The following IL2RA variants were observed in gnomAD, a reference collection of about 807,000 sequenced individuals.
The protein encoded by IL2RA is interleukin 2 receptor subunit alpha, also known as interleukin-2 receptor subunit alpha.
Under a neutral mutation model 37.8 loss-of-function variants are expected in IL2RA, and 24 were observed. The observed-to-expected ratio is 0.63, with a 90% CI of 0.46 to 0.89. The LOEUF (loss-of-function observed/expected upper bound fraction) is 0.89. Ranked by LOEUF, IL2RA falls within the 40% of genes least tolerant of loss-of-function variation. The pLI, the probability that IL2RA is intolerant of heterozygous loss-of-function variation, is 0.00. For synonymous variants in IL2RA, 125 were observed against 114.6 expected, an observed-to-expected ratio of 1.09 and a Z score of -0.58; for missense variants, 319 against 348.6, an observed-to-expected ratio of 0.92 and a Z score of 0.68.
chr10:6,024,300 C>T lies in IL2RA; in HGVS notation c.311G>A (p.Arg104Lys), dbSNP rs1406426330. 1 of 1,614,174 alleles carries T rather than the reference C, an allele frequency of 6.2e-7. No homozygotes were observed. Among genetic ancestry groups the T allele is most frequent in the Non-Finnish European group, 8.5e-7 (1 of 1,180,034 alleles). ...VTPQPEEQKERKTTEMQSPMQ... is the reference protein window; with the variant it reads ...VTPQPEEQKEKKTTEMQSPMQ... ...TGGACTTTGCATTTCTGTGGTTTTC[C>T]TTTCTTTCTGTTCTTCAGGTTGAGG... is the stretch of plus-strand genomic sequence containing the variant. The change falls in exon 3 of 8, where the codon AGG (arginine) becomes AAG (lysine). Residue 104 changes from arginine (R) to lysine (K), a missense_variant. By Grantham distance (26) the Arg-to-Lys change is conservative. Coordinates refer to ENST00000379959, the MANE Select transcript of IL2RA (RefSeq NM_000417.3).
chr10:6,043,757 A>G (rs1253000105), intron 1 of IL2RA, among the ~76,000 whole-genome samples: 1 of 152,260 alleles, frequency 6.6e-6, no homozygotes, highest in Non-Finnish European at 1.5e-5. Context: ...ATTTAAAATA[A>G]ACAAAAAGGA....
At position 6,011,876 on chromosome 10, in the gene IL2RA, G is replaced by A. The variant is rs997842886; in HGVS notation, c.*996C>T. 6.6e-6 allele frequency: 1 copy of A among 152,384 alleles called. No individual in the cohort carries two copies. The highest frequency in any genetic ancestry group is 1.5e-5 in the Non-Finnish European group (1 of 68,064). The allele number at this position is 152,384 out of a possible 1,614,324, so 9.4% of individuals were successfully genotyped here. A position where few individuals can be genotyped will look rare whatever the true frequency, so the allele number is the denominator to read the frequency against. On this transcript the variant is annotated 3_prime_UTR_variant, in exon 8 of 8. Coordinates refer to ENST00000379959, the MANE Select transcript of IL2RA (RefSeq NM_000417.3). The surrounding 1 kb of genome is among the most constrained non-coding windows in gnomAD (Gnocchi z 5.2). ...TTTTCCGTGGTTACGTTCTACCAGTGTGACCTCCATCCCTTCTCCCTCTTC... is the reference window on the plus strand; with the variant it reads ...TTTTCCGTGGTTACGTTCTACCAGTATGACCTCCATCCCTTCTCCCTCTTC...
intron 1 of IL2RA, among the ~76,000 whole-genome samples, chr10:6,038,252 A>T (rs967607791): frequency 5.9e-5 from 9 of 152,196 alleles, no homozygotes; most frequent in African/African-American, 2.2e-4. Flanking sequence ...TATCTGTTGA[A>T]GGTTATCTCT....
Position 6,046,114 on chromosome 10 carries a change from G to A in IL2RA, c.64+15974C>T, listed in dbSNP as rs1839852650. Among the ~76,000 whole-genome samples, 2 of 152,228 alleles carry A rather than the reference G, an allele frequency of 1.3e-5. No homozygotes were observed. Among genetic ancestry groups the A allele is most frequent in the South Asian group, 4.1e-4 (2 of 4,826 alleles). On this transcript the variant is annotated intron_variant, in intron 1 of 7. Coordinates refer to ENST00000379959, the MANE Select transcript of IL2RA (RefSeq NM_000417.3). This position sits in a 1 kb window ranked among gnomAD's most constrained non-coding sequence, Gnocchi z 4.8. ...TGCCCTGCTCCTCACCCATCTCGCAGGGGAACCTCTTGTACCCCTTTTCCT... is the reference window on the plus strand; with the variant it reads ...TGCCCTGCTCCTCACCCATCTCGCAAGGGAACCTCTTGTACCCCTTTTCCT...
In IL2RA at chr10:6,012,849, G is replaced by T. The variant is rs1311058776; in HGVS notation, c.*23C>A. ...TTGTCTGTTCCCGGCTTCTTACCAAGAAATTCTTGTTCTTTTGGTTTTCTA... is the reference window on the plus strand; with the variant it reads ...TTGTCTGTTCCCGGCTTCTTACCAATAAATTCTTGTTCTTTTGGTTTTCTA... On this transcript the variant is annotated 3_prime_UTR_variant, in exon 8 of 8. Transcript: ENST00000379959. This position sits in a 1 kb window ranked among gnomAD's most constrained non-coding sequence, Gnocchi z 4.8. 1.9e-6 allele frequency: 3 copies of T among 1,612,668 alleles called. No homozygotes were observed. In the Admixed American group the frequency reaches 5.0e-5, roughly 27 times the overall value.
chr10:6,060,293 C>T (rs976260686), intron 1 of IL2RA, among the ~76,000 whole-genome samples: 25 of 152,122 alleles, frequency 1.6e-4, no homozygotes, highest in Admixed American at 2.0e-4. Context: ...GGAAAAGAGA[C>T]TACGCACTGG....
chr10:6,048,954 T>C lies in IL2RA; in HGVS notation c.64+13134A>G, dbSNP rs982762360. Among the ~76,000 whole-genome samples, 12 of 152,248 alleles carry C rather than the reference T, an allele frequency of 7.9e-5. No homozygotes were observed. The highest frequency in any genetic ancestry group is 2.9e-4 in the African/African-American group (12 of 41,476). On this transcript the variant is annotated intron_variant, in intron 1 of 7. Coordinates refer to ENST00000379959, the MANE Select transcript of IL2RA (RefSeq NM_000417.3). This position sits in a 1 kb window ranked among gnomAD's most constrained non-coding sequence, Gnocchi z 5.3. The stretch of plus-strand genomic sequence containing the variant: ...TCTGCGTGGCTCTTGGAGCTCACCA[T>C]GTGTTTTGTCTTGGGCCTTGGTCAT...
Position 6,048,620 on chromosome 10 carries a change from C to T in IL2RA, c.64+13468G>A, listed in dbSNP as rs189256173. On this transcript the variant is annotated intron_variant, in intron 1 of 7. Transcript: ENST00000379959. The surrounding 1 kb of genome is among the most constrained non-coding windows in gnomAD (Gnocchi z 5.3). ...TATACGAACAGAAGCTGAGGCCCAC[C>T]GAGGTTAAAACCCTACCCTCATGGA... is the stretch of plus-strand genomic sequence containing the variant. Among the ~76,000 whole-genome samples, 90 of 152,354 alleles carry T rather than the reference C, an allele frequency of 5.9e-4. No individual in the cohort carries two copies. The highest frequency in any genetic ancestry group is 2.3e-3 in the South Asian group (11 of 4,830).
chr10:6,024,618 C>T (rs1419845675), intron 2 of IL2RA, among the ~76,000 whole-genome samples: 1 of 146,782 alleles, frequency 6.8e-6, no homozygotes, highest in Non-Finnish European at 1.5e-5. Context: ...TGTTACGTGT[C>T]TGTGTATGCC....
intron 1 of IL2RA, among the ~76,000 whole-genome samples, chr10:6,026,730 C>CT (rs1379848694): frequency 1.2e-4 from 18 of 152,288 alleles, no homozygotes; most frequent in Non-Finnish European, 2.2e-4. Context: ...GTTCTCTGCT[C>CT]TAAGAGATTA....
chr10:6,045,047 C>T (rs1336605475), intron 1 of IL2RA, among the ~76,000 whole-genome samples: 1 of 152,190 alleles, frequency 6.6e-6, no homozygotes, highest in Non-Finnish European at 1.5e-5. Context: ...AGAAAAGTTG[C>T]CTGATTCCCT....
intron 1 of IL2RA, among the ~76,000 whole-genome samples, chr10:6,040,402 C>T (rs537852734): frequency 3.9e-5 from 6 of 152,290 alleles, no homozygotes; most frequent in African/African-American, 1.4e-4. Flanking sequence ...TTTCAATCTA[C>T]TGAAGCATAG....
At chr10:6,024,150 C>G in intron 3 of IL2RA, 94 bp downstream of exon 3, 1 of 820,838 alleles carries the variant, frequency 1.2e-6, no homozygotes, top group Non-Finnish European at 2.1e-6. Flanking sequence ...TTATAGAAGG[C>G]AGGGCAGACC....
At position 6,015,947 on chromosome 10, in the gene IL2RA, G is replaced by A. The variant is rs1264628437; in HGVS notation, c.794+2106C>T. On this transcript the variant is annotated intron_variant, in intron 7 of 7. Transcript: ENST00000379959. The surrounding 1 kb of genome is among the most constrained non-coding windows in gnomAD (Gnocchi z 4.9). ...GGTTTCCCGGGGCTGGGGAGAATGG[G>A]GAACTTGGCAGTGTGGGGCTTCTCT... Among the ~76,000 whole-genome samples the A allele has an allele frequency of 6.6e-6, 1 of 152,160 alleles. No individual in the cohort carries two copies.
chr10:6,060,902 A>G (rs181733716), intron 1 of IL2RA, among the ~76,000 whole-genome samples: 190 of 152,332 alleles, frequency 1.2e-3, no homozygotes, highest in Middle Eastern at 0.01. Flanking sequence ...ATGCATCATT[A>G]TGTTTCATTT....
chr10:6,049,581 C>T (rs1839915486), intron 1 of IL2RA, among the ~76,000 whole-genome samples: 1 of 152,166 alleles, frequency 6.6e-6, no homozygotes, highest in Non-Finnish European at 1.5e-5. Flanking sequence ...GGAGGTCTCC[C>T]ATTGGCTGTC....
At chr10:6,045,809 CCT>C (rs758610202) in intron 1 of IL2RA, among the ~76,000 whole-genome samples, 1 of 151,994 alleles carries the variant, frequency 6.6e-6, no homozygotes, top group African/African-American at 2.4e-5. Context: ...CGGAATTTCC[CCT>C]GAGACTGTAA....
chr10:6,050,264 T>C (rs1839929087), intron 1 of IL2RA, among the ~76,000 whole-genome samples: 2 of 152,094 alleles, frequency 1.3e-5, no homozygotes, highest in Admixed American at 6.6e-5. Context: ...AATGCATGGG[T>C]TCTGCTCAGA....
rs777846309 is a variant in IL2RA at position 6,036,632 on chromosome 10, G to A, written c.65-10607C>T. Among the ~76,000 whole-genome samples, 2 of 152,106 alleles carry A rather than the reference G, an allele frequency of 1.3e-5. No homozygotes were observed. The highest frequency in any genetic ancestry group is 2.9e-5 in the Non-Finnish European group (2 of 68,010). On this transcript the variant is annotated intron_variant, in intron 1 of 7. Transcript: ENST00000379959. This position sits in a 1 kb window ranked among gnomAD's most constrained non-coding sequence, Gnocchi z 6.1. ...CTTTCTTCGATTTTGCCACATACCC[G>A]CAGCTGCACTCCCATAATCTGAAAG...
Sources: gnomAD v4.1 joint callset for allele counts (sites outside exome capture counted in the v4.1 genomes callset) on GRCh38, gnomAD v4.1.1 for gene constraint, Gnocchi (gnomAD v3.1) non-coding constraint, MANE v1.5 for transcripts, NCBI Gene and HGNC (gene_info 2026-07-23, HGNC 2026-07-21) for gene names.